Variants in IL23R observed in about 807,000 individuals in gnomAD.
IL23R encodes interleukin 23 receptor, also known as interleukin-23 receptor.
In IL23R, 34 loss-of-function variants were observed where a neutral mutation model predicts 56.9. The observed-to-expected ratio is 0.60, with a 90% confidence interval of 0.45 to 0.80. The LOEUF is 0.80. Ranked by LOEUF, IL23R falls within the 30% of genes least tolerant of loss-of-function variation. The pLI, the probability that IL23R is intolerant of heterozygous loss-of-function variation, is 0.00. For missense variants in IL23R, 635 were observed against 730.0 expected (o/e 0.87, Z 1.50); for synonymous variants, 230 against 249.2 (o/e 0.92, Z 0.73).
intron 7 of IL23R, 34 bp from the exon 8 acceptor site, chr1:67,236,679 G>A (rs1257083488): frequency 2.1e-6 from 3 of 1,445,402 alleles, no homozygotes; most frequent in African/African-American, 1.4e-5. Flanking sequence ...AGTGCAAAAT[G>A]TAAGAAACTG....
At chr1:67,243,422 C>A (rs1651985206) in intron 9 of IL23R, among the ~76,000 whole-genome samples, 1 of 152,034 alleles carries the variant, frequency 6.6e-6, no homozygotes, top group African/African-American at 2.4e-5. Context: ...AACCCGTCAT[C>A]TACATTAGGA....
rs11465805 is a variant in IL23R at position 67,236,920 on chromosome 1, G to A, written c.1045+118G>A. The stretch of plus-strand genomic sequence containing the variant: ...TTCTGGACAATAAGATATGCCTTAT[G>A]TCTTCCATAGGAAAATAATAGACAA... On this transcript the variant is annotated intron_variant, in intron 8 of 10. Coordinates refer to ENST00000347310, the MANE Select transcript of IL23R (RefSeq NM_144701.3). The A allele has an allele frequency of 5.2e-3, 3,732 of 712,346 alleles. 16 individuals are homozygous for A. Among genetic ancestry groups the A allele is most frequent in the Non-Finnish European group, 7.7e-3 (2,987 of 390,024 alleles). 44.1% of individuals were successfully genotyped at this position (712,346 alleles called of 1,614,324 possible). A position where few individuals can be genotyped will look rare whatever the true frequency, so the allele number is the denominator to read the frequency against.
At chr1:67,197,099 A>G (rs1023872542) in intron 4 of IL23R, among the ~76,000 whole-genome samples, 5 of 152,216 alleles carry the variant, frequency 3.3e-5, no homozygotes, top group African/African-American at 1.2e-4. Context: ...GCTGACCTTC[A>G]ATGTGAGTGA....
intron 5 of IL23R, among the ~76,000 whole-genome samples, chr1:67,201,131 C>CT (rs397802078): frequency 1.5e-4 from 23 of 150,842 alleles, no homozygotes; most frequent in Middle Eastern, 3.4e-3. Flanking sequence ...GTGGCTGGGC[C>CT]GGTGGCTCAC....
At chr1:67,160,069 T>C (rs1646804962) in intron 1 of IL23R, among the ~76,000 whole-genome samples, 1 of 152,168 alleles carries the variant, frequency 6.6e-6, no homozygotes, top group Non-Finnish European at 1.5e-5. Context: ...CCCAGGCTGG[T>C]CTCAAATTCC....
Position 67,233,852 on chromosome 1 carries a change from G to GTT in IL23R, c.956-2848_956-2847dup, listed in dbSNP as rs35312501. 2.0e-3 allele frequency among the ~76,000 whole-genome samples: 272 copies of GTT among 138,508 alleles called. 6 individuals are homozygous for GTT. The South Asian group carries it at 0.041, about 21-fold the overall frequency. The allele number at this position is 138,508 out of a possible 152,430, so 90.9% of individuals were successfully genotyped here. On this transcript the variant is annotated intron_variant, in intron 7 of 10. Coordinates refer to ENST00000347310, the MANE Select transcript of IL23R (RefSeq NM_144701.3). ...ACCAAATACAGTAAGATATCATGAG[G>GTT]TTTTTTTTTTTTTTAGCAAATTAGG... is the stretch of plus-strand genomic sequence containing the variant.
intron 3 of IL23R, among the ~76,000 whole-genome samples, chr1:67,173,664 G>GT (rs1007389784): frequency 3.3e-5 from 5 of 151,930 alleles, no homozygotes; most frequent in Non-Finnish European, 5.9e-5. Context: ...TTGAATATAG[G>GT]TTTTTTTAAA....
chr1:67,264,938 C>T (rs879451612), downstream of IL23R, among the ~76,000 whole-genome samples: 17 of 152,202 alleles, frequency 1.1e-4, no homozygotes, highest in African/African-American at 3.6e-4. Flanking sequence ...TTTTATGAGA[C>T]GGGGTTGGGG....
At chr1:67,235,058 A>G (rs569908478) in intron 7 of IL23R, among the ~76,000 whole-genome samples, 12 of 152,330 alleles carry the variant, frequency 7.9e-5, no homozygotes, top group Admixed American at 1.3e-4. Context: ...AGCTCCCTGC[A>G]AATGAACATT....
rs991859917 is a variant in IL23R at position 67,234,552 on chromosome 1, T to C, written c.956-2161T>C. Reference sequence around the variant, plus strand: ...TACAACAGAATTACATTAACCTGTATTAAAAGCCAACAACACCATATATTA... The same window carrying C: ...TACAACAGAATTACATTAACCTGTACTAAAAGCCAACAACACCATATATTA... On this transcript the variant is annotated intron_variant, in intron 7 of 10. Transcript: ENST00000347310. 2.1e-4 allele frequency among the ~76,000 whole-genome samples: 32 copies of C among 152,272 alleles called. 1 individual carries two copies. The South Asian group carries it at 2.7e-3, about 13-fold the overall frequency.
At chr1:67,189,334 A>G (rs1647577136) in intron 4 of IL23R, among the ~76,000 whole-genome samples, 1 of 152,158 alleles carries the variant, frequency 6.6e-6, no homozygotes. Flanking sequence ...TCTCCCCTTC[A>G]CTGTCTAGTT....
At chr1:67,147,700 C>CA (rs901311806) in intron 1 of IL23R, among the ~76,000 whole-genome samples, 419 of 147,596 alleles carry the variant, frequency 2.8e-3, no homozygotes, top group Non-Finnish European at 4.6e-3. Context: ...CAGACTCTGT[C>CA]AAAAAAAAAA....
upstream of IL23R, among the ~76,000 whole-genome samples, chr1:67,163,585 G>A (rs1241805306): frequency 6.6e-6 from 1 of 151,890 alleles, no homozygotes; most frequent in Non-Finnish European, 1.5e-5. Context: ...TCATGTGGGC[G>A]GATCCTGCAT....
At chr1:67,226,213 A>G (rs1206562686) in intron 7 of IL23R, among the ~76,000 whole-genome samples, 1 of 152,210 alleles carries the variant, frequency 6.6e-6, no homozygotes, top group African/African-American at 2.4e-5. Flanking sequence ...GGAATGTGAT[A>G]CAGTTCACTA....
chr1:67,205,378 T>C (rs1430622929), intron 5 of IL23R, among the ~76,000 whole-genome samples: 1 of 152,192 alleles, frequency 6.6e-6, no homozygotes, highest in East Asian at 1.9e-4. Flanking sequence ...AAACCTAGAA[T>C]AAATGAAAAT....
At chr1:67,207,546 A>G in intron 6 of IL23R, 1 of 323,430 alleles carries the variant, frequency 3.1e-6, no homozygotes, top group East Asian at 8.9e-5. Context: ...TTCCCACACT[A>G]GTCTCGTGAT....
intron 6 of IL23R, chr1:67,207,481 C>T: frequency 3.2e-6 from 1 of 316,558 alleles, no homozygotes; most frequent in South Asian, 2.8e-5. Context: ...CCCAGAATTC[C>T]CAGGTGTTGT....
chr1:67,170,539 C>G (rs1646930387), intron 3 of IL23R, among the ~76,000 whole-genome samples: 1 of 151,952 alleles, frequency 6.6e-6, no homozygotes, highest in African/African-American at 2.4e-5. Flanking sequence ...GTGTTTAAAT[C>G]ACTATAGTGA....
At chr1:67,160,150 G>C (rs1041085978) in intron 1 of IL23R, among the ~76,000 whole-genome samples, 1 of 152,144 alleles carries the variant, frequency 6.6e-6, no homozygotes, top group African/African-American at 2.4e-5. Context: ...ACCGCGCCCA[G>C]CCTGGTACGT....
Sources: allele counts gnomAD v4.1 joint callset (sites outside exome capture counted in the v4.1 genomes callset), GRCh38; gene constraint gnomAD v4.1.1; transcripts MANE v1.5; gene names NCBI Gene and HGNC (gene_info 2026-07-23, HGNC 2026-07-21).